DGKI: variants seen among roughly 807,000 people sequenced by gnomAD.
DGKI encodes DAG kinase iota.
A neutral mutation model predicts 147.5 loss-of-function variants in DGKI; 55 were observed. The ratio of observed to expected loss-of-function variants is 0.37; its 90% CI spans 0.30 to 0.47. The LOEUF (loss-of-function observed/expected upper bound fraction) is 0.47, where lower values mean the gene tolerates loss of function less well. DGKI is among the 20% of genes least tolerant of loss of function. The pLI, the probability that DGKI is intolerant of heterozygous loss-of-function variation, is 1.00. For missense variants in DGKI, 1,007 were observed against 1,323.8 expected (o/e 0.76, Z 3.71); for synonymous variants, 469 against 477.1 (o/e 0.98, Z 0.22).
intron 1 of DGKI, among the ~76,000 whole-genome samples, chr7:137,740,087 G>C (rs796109092): frequency 3.3e-5 from 5 of 152,180 alleles, no homozygotes; most frequent in African/African-American, 1.2e-4. Context: ...TTCAAATCCA[G>C]GTATCTCTCC....
At chr7:137,721,938 G>A in intron 1 of DGKI, 1 of 1,169,276 alleles carries the variant, frequency 8.6e-7, no homozygotes, top group East Asian at 2.4e-5. Flanking sequence ...TCCATCCTCA[G>A]TCCTCAGCTT....
intron 1 of DGKI, among the ~76,000 whole-genome samples, chr7:137,810,471 A>T (rs1214307853): frequency 6.6e-6 from 1 of 152,228 alleles, no homozygotes; most frequent in Non-Finnish European, 1.5e-5. Context: ...GACAGACTTC[A>T]CAGTAAAGGC....
At chr7:137,467,078 A>G (rs1386372952) in intron 24 of DGKI, 136 bp from the exon 25 acceptor site, 2 of 795,000 alleles carry the variant, frequency 2.5e-6, no homozygotes, top group East Asian at 2.7e-5. Context: ...CCCTAAATCT[A>G]TTAAGAAAAC....
At chr7:137,557,493 C>T (rs1277593309) in intron 19 of DGKI, among the ~76,000 whole-genome samples, 2 of 152,116 alleles carry the variant, frequency 1.3e-5, no homozygotes, top group Non-Finnish European at 2.9e-5. Flanking sequence ...GCCAAAGAGG[C>T]TGGGAATATT....
intron 3 of DGKI, among the ~76,000 whole-genome samples, chr7:137,666,474 G>C (rs183897610): frequency 2.6e-5 from 4 of 152,300 alleles, no homozygotes; most frequent in Admixed American, 2.6e-4. Context: ...CTACACCTTG[G>C]AATTCATTTG....
At chr7:137,757,412 C>T (rs1174068935) in intron 1 of DGKI, among the ~76,000 whole-genome samples, 1 of 152,164 alleles carries the variant, frequency 6.6e-6, no homozygotes, top group Admixed American at 6.5e-5. Context: ...TCTCATCTTC[C>T]CATTTCTTAA....
chr7:137,775,708 T>C (rs1367520164), intron 1 of DGKI, among the ~76,000 whole-genome samples: 4 of 152,182 alleles, frequency 2.6e-5, no homozygotes, highest in African/African-American at 9.7e-5. Flanking sequence ...TTAGCAACAT[T>C]ACGTGTAATA....
chr7:137,535,646 G>A (rs1817492224), intron 20 of DGKI, among the ~76,000 whole-genome samples: 1 of 152,134 alleles, frequency 6.6e-6, no homozygotes, highest in African/African-American at 2.4e-5. Context: ...ACCTTTTACT[G>A]TATGAAAAGT....
chr7:137,687,366 C>T (rs1426347013), intron 2 of DGKI, among the ~76,000 whole-genome samples: 1 of 152,166 alleles, frequency 6.6e-6, no homozygotes, highest in Non-Finnish European at 1.5e-5. Context: ...ATAAAGATTG[C>T]TCATTTCCAT....
At chr7:137,538,896 C>T (rs118093176) in intron 20 of DGKI, among the ~76,000 whole-genome samples, 2 of 152,280 alleles carry the variant, frequency 1.3e-5, no homozygotes, top group African/African-American at 2.4e-5. Context: ...CCCTCTCTCT[C>T]CAATAAGCCC....
intron 1 of DGKI, among the ~76,000 whole-genome samples, chr7:137,703,065 T>G (rs1006287220): frequency 1.2e-4 from 18 of 152,140 alleles, no homozygotes; most frequent in African/African-American, 4.1e-4. Flanking sequence ...AAGAACTACC[T>G]GAGAGTGGGT....
chr7:137,584,893 C>T (rs1423541017), intron 14 of DGKI, among the ~76,000 whole-genome samples: 1 of 152,114 alleles, frequency 6.6e-6, no homozygotes, highest in African/African-American at 2.4e-5. Flanking sequence ...CATATTTTTT[C>T]ATCTTCTCAT....
At chr7:137,723,533 A>C (rs1053929224) in intron 1 of DGKI, among the ~76,000 whole-genome samples, 1 of 152,104 alleles carries the variant, frequency 6.6e-6, no homozygotes, top group Non-Finnish European at 1.5e-5. Flanking sequence ...CATAAAACAA[A>C]AAAGCCCAAC....
chr7:137,706,714 A>G (rs941427669), intron 1 of DGKI, among the ~76,000 whole-genome samples: 1 of 151,940 alleles, frequency 6.6e-6, no homozygotes, highest in Non-Finnish European at 1.5e-5. Flanking sequence ...CTGGGACTAC[A>G]GGCGCATGCC....
At chr7:137,708,161 C>T (rs376180701) in intron 1 of DGKI, among the ~76,000 whole-genome samples, 2 of 152,216 alleles carry the variant, frequency 1.3e-5, no homozygotes, top group Admixed American at 6.5e-5. Flanking sequence ...ATAGCCAGGT[C>T]GCCAAGCCTG....
chr7:137,689,626 C>T (rs182496545), intron 2 of DGKI, among the ~76,000 whole-genome samples: 2 of 152,242 alleles, frequency 1.3e-5, no homozygotes, highest in Non-Finnish European at 2.9e-5. Flanking sequence ...AGACTGCGCA[C>T]GAGGTACTTT....
At chr7:137,426,922 G>A (rs550971709) in intron 28 of DGKI, among the ~76,000 whole-genome samples, 1 of 151,800 alleles carries the variant, frequency 6.6e-6, no homozygotes, top group African/African-American at 2.4e-5. Context: ...GACCTACAAA[G>A]AGACTTAGAC....
intron 3 of DGKI, among the ~76,000 whole-genome samples, chr7:137,661,674 C>T (rs889951974): frequency 2.0e-5 from 3 of 152,140 alleles, no homozygotes; most frequent in Admixed American, 6.5e-5. Flanking sequence ...GGGGAAACTG[C>T]AAGAGAGGCC....
chr7:137,415,498 C>A (rs1370551318), intron 28 of DGKI, among the ~76,000 whole-genome samples: 1 of 152,152 alleles, frequency 6.6e-6, no homozygotes, highest in African/African-American at 2.4e-5. Context: ...TAATCCCCCA[C>A]AGATACTGAG....
Sources: gnomAD v4.1 joint callset for allele counts (sites outside exome capture counted in the v4.1 genomes callset) on GRCh38, gnomAD v4.1.1 for gene constraint, MANE v1.5 for transcripts, NCBI Gene and HGNC (gene_info 2026-07-23, HGNC 2026-07-21) for gene names.